The following KIRREL3 variants were observed in gnomAD, a reference collection of about 807,000 sequenced individuals.
KIRREL3 encodes kin of IRRE-like protein 3.
KIRREL3 carries 36 observed loss-of-function variants against 89.7 expected under a neutral mutation model. The ratio of observed to expected loss-of-function variants is 0.40; its 90% CI spans 0.31 to 0.53. The LOEUF is 0.53. Among genes scored for constraint, KIRREL3 ranks in the 20% least tolerant of loss-of-function variants. The pLI, the probability that KIRREL3 is intolerant of heterozygous loss-of-function variation, is 0.49. For synonymous variants in KIRREL3, 445 were observed against 441.4 expected (o/e 1.01, Z -0.10); for missense variants, 864 against 1,056.6 (o/e 0.82, Z 2.53).
intron 1 of KIRREL3, among the ~76,000 whole-genome samples, chr11:126,793,576 G>T (rs891447353): frequency 2.0e-5 from 3 of 152,204 alleles, no homozygotes; most frequent in Non-Finnish European, 4.4e-5. Flanking sequence ...GACAACTCAG[G>T]TCACTGGCAG....
intron 7 of KIRREL3, among the ~76,000 whole-genome samples, chr11:126,453,556 G>A (rs1051270302): frequency 1.3e-5 from 2 of 152,192 alleles, no homozygotes; most frequent in African/African-American, 4.8e-5. Flanking sequence ...ATTTGCTTAC[G>A]GCTTTTCTTC....
At chr11:126,549,212 C>T (rs970317459) in intron 2 of KIRREL3, 3 of 152,126 alleles carry the variant, frequency 2.0e-5, no homozygotes, top group Admixed American at 1.3e-4. Flanking sequence ...TATTTCAAAC[C>T]GTTATATAAA....
In KIRREL3 at chr11:126,987,633, C is replaced by T. The variant is rs1949905413; in HGVS notation, c.55+12822G>A. Among the ~76,000 whole-genome samples, 1 of 152,184 alleles carries T rather than the reference C, an allele frequency of 6.6e-6. No homozygotes were observed. The highest frequency in any genetic ancestry group is 2.4e-5 in the African/African-American group (1 of 41,450). On this transcript the variant is annotated intron_variant, in intron 1 of 16. Coordinates refer to ENST00000525144, the MANE Select transcript of KIRREL3 (RefSeq NM_032531.4). The surrounding 1 kb of genome is among the most constrained non-coding windows in gnomAD (Gnocchi z 4.6). The stretch of plus-strand genomic sequence containing the variant: ...AAGGAGCATTGATATGGATTTGGAA[C>T]CCAGGCATCAGCTGCCAAGGCTCTG...
At chr11:126,910,657 T>C (rs1946780514) in intron 1 of KIRREL3, among the ~76,000 whole-genome samples, 1 of 152,234 alleles carries the variant, frequency 6.6e-6, no homozygotes, top group Non-Finnish European at 1.5e-5. Flanking sequence ...GGCAAGTTTC[T>C]CCACCCCTTT....
intron 1 of KIRREL3, among the ~76,000 whole-genome samples, chr11:126,827,828 T>C (rs948013441): frequency 3.9e-5 from 6 of 152,172 alleles, no homozygotes; most frequent in African/African-American, 1.4e-4. Flanking sequence ...TTTCTTCCTG[T>C]TTTTATCTGA....
intron 1 of KIRREL3, among the ~76,000 whole-genome samples, chr11:126,577,928 AAAGGAT>A (rs1591767396): frequency 6.6e-6 from 1 of 152,162 alleles, no homozygotes; most frequent in Non-Finnish European, 1.5e-5. Flanking sequence ...ACCCAGTGCT[AAAGGAT>A]TCCCCCTTTA....
At chr11:126,618,339 C>A (rs569379743) in intron 1 of KIRREL3, among the ~76,000 whole-genome samples, 2 of 152,286 alleles carry the variant, frequency 1.3e-5, no homozygotes, top group South Asian at 2.1e-4. Flanking sequence ...GATTCATGTG[C>A]GCAGAAACCG....
In KIRREL3 at chr11:126,612,048, A is replaced by G. The variant is rs1943154443; in HGVS notation, c.56-49136T>C. 6.6e-6 allele frequency among the ~76,000 whole-genome samples: 1 copy of G among 152,146 alleles called. No individual in the cohort carries two copies. Among genetic ancestry groups the G allele is most frequent in the Non-Finnish European group, 1.5e-5 (1 of 68,024 alleles). ...CATGTTACCTGTGCATCTCCTTCAC[A>G]ACTCACGTCACTGATGGACTTACGC... On this transcript the variant is annotated intron_variant, in intron 1 of 16. Coordinates refer to ENST00000525144, the MANE Select transcript of KIRREL3 (RefSeq NM_032531.4). The surrounding 1 kb of genome is among the most constrained non-coding windows in gnomAD (Gnocchi z 4.5).
rs2134374936 is a variant in KIRREL3 at position 126,796,246 on chromosome 11, G to T, written c.55+204209C>A. On this transcript the variant is annotated intron_variant, in intron 1 of 16. Transcript: ENST00000525144. The surrounding 1 kb of genome is among the most constrained non-coding windows in gnomAD (Gnocchi z 5.1). The stretch of plus-strand genomic sequence containing the variant: ...ATCAGACTGATTCTATGTTAAAATG[G>T]TGAACAAAAAAACCAAGGACTTGAC... 6.6e-6 allele frequency among the ~76,000 whole-genome samples: 1 copy of T among 152,080 alleles called. No homozygotes were observed. The highest frequency in any genetic ancestry group is 1.9e-4 in the East Asian group (1 of 5,188).
At position 126,523,574 on chromosome 11, in the gene KIRREL3, A is replaced by G. The variant is rs1026801044; in HGVS notation, c.284-2110T>C. 6.7e-6 allele frequency among the ~76,000 whole-genome samples: 1 copy of G among 148,260 alleles called. No individual in the cohort carries two copies. The highest frequency in any genetic ancestry group is 2.6e-5 in the African/African-American group (1 of 38,710). ...AAAAGCTCACAAGGCCATCAGCTGC[A>G]CCCCTGAGAGCACTGCCTCTCCTCC... is the stretch of plus-strand genomic sequence containing the variant. On this transcript the variant is annotated intron_variant, in intron 3 of 16. Coordinates refer to ENST00000525144, the MANE Select transcript of KIRREL3 (RefSeq NM_032531.4). The surrounding 1 kb of genome is among the most constrained non-coding windows in gnomAD (Gnocchi z 4.9).
At chr11:126,584,873 G>T (rs1360523231) in intron 1 of KIRREL3, among the ~76,000 whole-genome samples, 1 of 152,040 alleles carries the variant, frequency 6.6e-6, no homozygotes, top group Non-Finnish European at 1.5e-5. Context: ...AGAGCTCTCT[G>T]GAGTGCATCA....
chr11:126,895,856 C>T (rs1341900008), intron 1 of KIRREL3, among the ~76,000 whole-genome samples: 1 of 152,202 alleles, frequency 6.6e-6, no homozygotes, highest in Non-Finnish European at 1.5e-5. Context: ...CAGCTGCCCC[C>T]AGTAGGTGGC....
intron 1 of KIRREL3, among the ~76,000 whole-genome samples, chr11:126,980,787 T>C (rs1444921503): frequency 2.0e-5 from 3 of 151,874 alleles, no homozygotes; most frequent in African/African-American, 7.3e-5. Context: ...AAATAATGAG[T>C]TTAGTTTTTA....
intron 1 of KIRREL3, among the ~76,000 whole-genome samples, chr11:126,868,216 A>T (rs1382792363): frequency 6.6e-6 from 1 of 152,204 alleles, no homozygotes; most frequent in African/African-American, 2.4e-5. Context: ...AAGGAAAAAC[A>T]TTCCTGTTAC....
rs991300141 is a variant in KIRREL3 at position 126,484,457 on chromosome 11, G to A, written c.434-10991C>T. ...CTCTATATAAGGTAGATACAATGACGATGCATATTTTGGAGGTGAGGAAAC... is the reference window on the plus strand; with the variant it reads ...CTCTATATAAGGTAGATACAATGACAATGCATATTTTGGAGGTGAGGAAAC... On this transcript the variant is annotated intron_variant, in intron 4 of 16. Transcript: ENST00000525144. This position sits in a 1 kb window ranked among gnomAD's most constrained non-coding sequence, Gnocchi z 5.2. Among the ~76,000 whole-genome samples the A allele has an allele frequency of 6.6e-6, 1 of 152,164 alleles. No homozygotes were observed. Among genetic ancestry groups the A allele is most frequent in the African/African-American group, 2.4e-5 (1 of 41,444 alleles).
intron 4 of KIRREL3, among the ~76,000 whole-genome samples, chr11:126,512,006 G>C (rs774972105): frequency 9.9e-5 from 15 of 152,182 alleles, no homozygotes; most frequent in Non-Finnish European, 2.1e-4. Flanking sequence ...CTGGAGCTGG[G>C]ACAGGGGTAA....
chr11:126,535,446 G>A lies in KIRREL3; in HGVS notation c.134-8759C>T, dbSNP rs1334346509. ...ACTTGCACACCTGTGGCCCCATTCT[G>A]AGGTTGCCCCTCAATCCCTAATTAT... On this transcript the variant is annotated intron_variant, in intron 2 of 16. Coordinates refer to ENST00000525144, the MANE Select transcript of KIRREL3 (RefSeq NM_032531.4). The surrounding 1 kb of genome is among the most constrained non-coding windows in gnomAD (Gnocchi z 4.5). Among the ~76,000 whole-genome samples the A allele has an allele frequency of 2.6e-5, 4 of 152,166 alleles. No individual in the cohort carries two copies. Among genetic ancestry groups the A allele is most frequent in the African/African-American group, 9.7e-5 (4 of 41,430 alleles).
At position 126,614,801 on chromosome 11, in the gene KIRREL3, A is replaced by G. The variant is rs1283939924; in HGVS notation, c.56-51889T>C. 2.0e-5 allele frequency among the ~76,000 whole-genome samples: 3 copies of G among 152,014 alleles called. No homozygotes were observed. The highest frequency in any genetic ancestry group is 1.9e-4 in the East Asian group (1 of 5,188). On this transcript the variant is annotated intron_variant, in intron 1 of 16. Transcript: ENST00000525144. The surrounding 1 kb of genome is among the most constrained non-coding windows in gnomAD (Gnocchi z 4.6). ...CTGGGGAGATCCTGAATGGAATTGA[A>G]TTTCTCTTAGTATCAGGTCTGGGTT...
chr11:126,984,000 C>T lies in KIRREL3; in HGVS notation c.55+16455G>A, dbSNP rs1455908085. Among the ~76,000 whole-genome samples the T allele has an allele frequency of 1.3e-5, 2 of 149,758 alleles. No homozygotes were observed. Among genetic ancestry groups the T allele is most frequent in the African/African-American group, 4.9e-5 (2 of 41,166 alleles). ...TTAATTCATTGCATGTAATGGATGC[C>T]TTTTATGGTATTAGAGGTTAATTCT... On this transcript the variant is annotated intron_variant, in intron 1 of 16. Transcript: ENST00000525144. The surrounding 1 kb of genome is among the most constrained non-coding windows in gnomAD (Gnocchi z 4.9).
Sources: allele counts gnomAD v4.1 joint callset (sites outside exome capture counted in the v4.1 genomes callset), GRCh38; gene constraint gnomAD v4.1.1; non-coding constraint Gnocchi (gnomAD v3.1); transcripts MANE v1.5; gene names NCBI Gene and HGNC (gene_info 2026-07-23, HGNC 2026-07-21).